The following SLC6A3 variants were observed in gnomAD, a reference collection of about 807,000 sequenced individuals.
SLC6A3 encodes sodium-dependent dopamine transporter.
A neutral mutation model predicts 70.4 loss-of-function variants in SLC6A3; 19 were observed. The ratio of observed to expected loss-of-function variants is 0.27; its 90% confidence interval spans 0.19 to 0.40. SLC6A3 has a LOEUF of 0.40. Among genes scored for constraint, SLC6A3 ranks in the 10% least tolerant of loss-of-function variants. SLC6A3 has a pLI of 1.00. For synonymous variants in SLC6A3, 368 were observed against 356.6 expected, an observed-to-expected ratio of 1.03 and a Z score of -0.36; for missense variants, 613 against 838.5, an observed-to-expected ratio of 0.73 and a Z score of 3.32.
In SLC6A3 at chr5:1,401,166, A is replaced by G; in HGVS notation, c.1768-180T>C. ...GCGCCCACCACTGACTTACACTGCC[A>G]GTGCCCATGCCGACCAGACAGCCAG... On this transcript the variant is annotated intron_variant, in intron 13 of 14. Coordinates refer to ENST00000270349, the MANE Select transcript of SLC6A3 (RefSeq NM_001044.5). The surrounding 1 kb of genome is among the most constrained non-coding windows in gnomAD (Gnocchi z 6.1). 1.4e-6 allele frequency: 1 copy of G among 702,918 alleles called. No homozygotes were observed. Among genetic ancestry groups the G allele is most frequent in the Non-Finnish European group, 2.6e-6 (1 of 385,364 alleles). 43.5% of individuals were successfully genotyped at this position (702,918 alleles called of 1,614,324 possible).
intron 1 of SLC6A3, among the ~76,000 whole-genome samples, chr5:1,443,507 C>T (rs978301490): frequency 6.6e-6 from 1 of 152,210 alleles, no homozygotes; most frequent in Non-Finnish European, 1.5e-5. Context: ...CCCTGCACCC[C>T]TCCCCACTCC....
At position 1,396,740 on chromosome 5, in the gene SLC6A3, C is replaced by T. The variant is rs1755730654; in HGVS notation, c.1840-1982G>A. Among the ~76,000 whole-genome samples, 2 of 152,170 alleles carry T rather than the reference C, an allele frequency of 1.3e-5. No homozygotes were observed. Among genetic ancestry groups the T allele is most frequent in the South Asian group, 4.1e-4 (2 of 4,824 alleles). ...TGGGCACGGTGCCTGTTCCCCCAGC[C>T]AGGAGAATGTCATGATTCTCGGGGA... On this transcript the variant is annotated intron_variant, in intron 14 of 14. Transcript: ENST00000270349. The surrounding 1 kb of genome is among the most constrained non-coding windows in gnomAD (Gnocchi z 7.0).
At chr5:1,420,153 C>A (rs2735917) in intron 6 of SLC6A3, among the ~76,000 whole-genome samples, 5,948 of 152,262 alleles carry the variant, frequency 0.039, 172 homozygotes, top group Non-Finnish European at 0.06. Context: ...TCCAACGATG[C>A]CCCAAGGGAG....
At chr5:1,422,555 G>A (rs1299277581) in intron 4 of SLC6A3, among the ~76,000 whole-genome samples, 3 of 136,666 alleles carry the variant, frequency 2.2e-5, no homozygotes, top group Non-Finnish European at 4.7e-5. Context: ...GGTGCCCACC[G>A]CTGCCCACAG....
rs1423673603 is a variant in SLC6A3, at chr5:1,437,149, G to C, written c.418+4210C>G. On this transcript the variant is annotated intron_variant, in intron 3 of 14. Transcript: ENST00000270349. The surrounding 1 kb of genome is among the most constrained non-coding windows in gnomAD (Gnocchi z 4.8). ...ACCTGTAGCCCCAGCTACTCGGGAG[G>C]CTGGGGCAGGAGAATCGCTTGAACC... Among the ~76,000 whole-genome samples, 22 of 152,020 alleles carry C rather than the reference G, an allele frequency of 1.4e-4. No homozygotes were observed. The highest frequency in any genetic ancestry group is 1.4e-3 in the Admixed American group (21 of 15,272).
intron 8 of SLC6A3, among the ~76,000 whole-genome samples, 176 bp downstream of exon 8, chr5:1,414,515 G>A (rs977340146): frequency 4.6e-5 from 7 of 151,520 alleles, no homozygotes; most frequent in Admixed American, 2.6e-4. Flanking sequence ...GCGCTGGGTG[G>A]GGGCAGGTCT....
intron 6 of SLC6A3, 71 bp downstream of exon 6, chr5:1,420,498 G>C: frequency 1.3e-6 from 2 of 1,574,210 alleles, no homozygotes; most frequent in Non-Finnish European, 1.7e-6. Flanking sequence ...GCCCTGGCAG[G>C]CAATGCATAT....
chr5:1,420,100 C>T (rs543745121), intron 6 of SLC6A3, among the ~76,000 whole-genome samples: 15 of 152,306 alleles, frequency 9.8e-5, no homozygotes, highest in Admixed American at 2.6e-4. Context: ...TGCCCCTGGG[C>T]GGCTTTGGGG....
chr5:1,440,002 C>T (rs1756936279), intron 3 of SLC6A3, among the ~76,000 whole-genome samples: 1 of 152,156 alleles, frequency 6.6e-6, no homozygotes, highest in Non-Finnish European at 1.5e-5. Context: ...GTCAGAAATG[C>T]TGGGAGAGGG....
intron 4 of SLC6A3, among the ~76,000 whole-genome samples, chr5:1,424,239 C>G (rs371799228): frequency 6.6e-6 from 1 of 152,250 alleles, no homozygotes; most frequent in Admixed American, 6.5e-5. Flanking sequence ...AGAGGCTATC[C>G]GTCACCCGCA....
rs1443654387 is a variant in SLC6A3 at position 1,406,040 on chromosome 5, G to A, written c.1599+148C>T. The A allele has an allele frequency of 7.1e-6, 5 of 704,492 alleles. No individual in the cohort carries two copies. The highest frequency in any genetic ancestry group is 7.0e-5 in the African/African-American group (4 of 57,234). 43.6% of individuals were successfully genotyped at this position (704,492 alleles called of 1,614,324 possible). On this transcript the variant is annotated intron_variant, in intron 12 of 14. Coordinates refer to ENST00000270349, the MANE Select transcript of SLC6A3 (RefSeq NM_001044.5). The surrounding 1 kb of genome is among the most constrained non-coding windows in gnomAD (Gnocchi z 8.8). ...TTAAGGAGACTATAGATGAGTTCAGGGATCAGCCTGTCCTTCTGGGCCGAG... is the reference window on the plus strand; with the variant it reads ...TTAAGGAGACTATAGATGAGTTCAGAGATCAGCCTGTCCTTCTGGGCCGAG...
At chr5:1,434,337 G>A (rs1756779819) in intron 3 of SLC6A3, among the ~76,000 whole-genome samples, 1 of 152,218 alleles carries the variant, frequency 6.6e-6, no homozygotes, top group Non-Finnish European at 1.5e-5. Flanking sequence ...GGCCATGCAA[G>A]ACCATCAAGG....
At position 1,432,710 on chromosome 5, in the gene SLC6A3, G is replaced by A. The variant is rs460000; in HGVS notation, c.419-12C>T. The A allele has an allele frequency of 6.2e-7, 1 of 1,606,364 alleles. No individual in the cohort carries two copies. The highest frequency in any genetic ancestry group is 8.5e-7 in the Non-Finnish European group (1 of 1,173,664). ...CGTGAAGCCCACACCTAGCGGGAAG[G>A]GGGAGGCCATGGAGCCCACGCAGGT... On this transcript the variant is annotated splice_polypyrimidine_tract_variant and intron_variant, in intron 3 of 14. Coordinates refer to ENST00000270349, the MANE Select transcript of SLC6A3 (RefSeq NM_001044.5).
At chr5:1,440,253 A>G (rs1466193507) in intron 3 of SLC6A3, among the ~76,000 whole-genome samples, 2 of 152,172 alleles carry the variant, frequency 1.3e-5, no homozygotes, top group African/African-American at 4.8e-5. Context: ...AGATGGATGG[A>G]TGGATAGATC....
chr5:1,416,414 G>A (rs80135708), intron 6 of SLC6A3: 2 of 612,406 alleles, frequency 3.3e-6, no homozygotes, highest in Non-Finnish European at 5.8e-6. Flanking sequence ...GAGAAGCAGG[G>A]GGCTGTCTGT....
In SLC6A3 at chr5:1,405,354, G is replaced by A. The variant is rs993317874; in HGVS notation, c.1599+834C>T. Among the ~76,000 whole-genome samples the A allele has an allele frequency of 3.9e-5, 6 of 152,210 alleles. No homozygotes were observed. The highest frequency in any genetic ancestry group is 2.0e-4 in the Admixed American group (3 of 15,286). ...TGTGCAGGTGACGAGGGGTCTCCAC[G>A]CACGCGGGCCCTGCTGACTCCGGGA... On this transcript the variant is annotated intron_variant, in intron 12 of 14. Coordinates refer to ENST00000270349, the MANE Select transcript of SLC6A3 (RefSeq NM_001044.5). This position sits in a 1 kb window ranked among gnomAD's most constrained non-coding sequence, Gnocchi z 5.3.
chr5:1,422,547 T>C (rs1270018756), intron 4 of SLC6A3, among the ~76,000 whole-genome samples: 1 of 140,110 alleles, frequency 7.1e-6, no homozygotes, highest in Non-Finnish European at 1.5e-5. Flanking sequence ...CGCTGCTGGG[T>C]GCCCACCGCT....
chr5:1,414,203 C>A lies in SLC6A3; in HGVS notation c.1156+488G>T, dbSNP rs117273347. On this transcript the variant is annotated intron_variant, in intron 8 of 14. Coordinates refer to ENST00000270349, the MANE Select transcript of SLC6A3 (RefSeq NM_001044.5). ...CCCTGAGCTGCATGTTCCCACACCG[C>A]GTGGCAAGCAAACATCTAGAGGGCC... Among the ~76,000 whole-genome samples the A allele has an allele frequency of 4.6e-5, 7 of 151,946 alleles. No homozygotes were observed. In the East Asian group the frequency reaches 1.4e-3, roughly 30 times the overall value.
intron 4 of SLC6A3, among the ~76,000 whole-genome samples, chr5:1,430,171 CT>C (rs1377418049): frequency 6.6e-6 from 1 of 152,164 alleles, no homozygotes; most frequent in Non-Finnish European, 1.5e-5. Context: ...CCATGAGCGT[CT>C]TCCTGGCGCC....
Sources: gnomAD v4.1 joint callset for allele counts (sites outside exome capture counted in the v4.1 genomes callset) on GRCh38, gnomAD v4.1.1 for gene constraint, Gnocchi (gnomAD v3.1) non-coding constraint, MANE v1.5 for transcripts, NCBI Gene and HGNC (gene_info 2026-07-23, HGNC 2026-07-21) for gene names.